Variants in PMEPA1 observed in about 807,000 individuals in gnomAD.
PMEPA1 encodes the protein protein TMEPAI.
PMEPA1 carries 11 observed loss-of-function variants against 23.0 expected under a neutral mutation model. The observed-to-expected ratio is 0.48, with a 90% CI of 0.30 to 0.79. The LOEUF is 0.79. Ranked by LOEUF, PMEPA1 falls within the 30% of genes least tolerant of loss-of-function variation. The pLI, the probability that PMEPA1 is intolerant of heterozygous loss-of-function variation, is 0.06. For missense variants in PMEPA1, 377 were observed against 390.9 expected (o/e 0.96, Z 0.30); for synonymous variants, 204 against 166.4 (o/e 1.23, Z -1.74).
intron 1 of PMEPA1, chr20:57,690,491 C>T: frequency 3.1e-6 from 4 of 1,302,724 alleles, no homozygotes; most frequent in Non-Finnish European, 4.0e-6. Context: ...TCACTTTTTA[C>T]AATCAGAAGA....
chr20:57,695,448 T>C (rs2071932250), intron 1 of PMEPA1, among the ~76,000 whole-genome samples: 1 of 152,236 alleles, frequency 6.6e-6, no homozygotes, highest in Admixed American at 6.5e-5. Context: ...ATTTCACCGC[T>C]AGAGAATCGG....
At chr20:57,691,643 T>C (rs1463297823) in intron 1 of PMEPA1, among the ~76,000 whole-genome samples, 1 of 151,920 alleles carries the variant, frequency 6.6e-6, no homozygotes, top group Non-Finnish European at 1.5e-5. Context: ...CTGTTGAGGG[T>C]TACACAGGTT....
chr20:57,675,455 C>G (rs2071623504), intron 1 of PMEPA1, among the ~76,000 whole-genome samples: 1 of 152,248 alleles, frequency 6.6e-6, no homozygotes, highest in Admixed American at 6.5e-5. Context: ...CCCACGTGCC[C>G]CCCAACCATG....
intron 1 of PMEPA1, among the ~76,000 whole-genome samples, chr20:57,687,085 C>A (rs2071810876): frequency 6.6e-6 from 1 of 152,274 alleles, no homozygotes. Flanking sequence ...AGCAAGCAGC[C>A]CACAAGCTCT....
chr20:57,692,904 A>G (rs2071901201), intron 1 of PMEPA1, among the ~76,000 whole-genome samples: 1 of 152,234 alleles, frequency 6.6e-6, no homozygotes, highest in Non-Finnish European at 1.5e-5. Flanking sequence ...TTCACAACTC[A>G]TGATAATCAA....
chr20:57,694,286 C>T (rs978484861), intron 1 of PMEPA1, among the ~76,000 whole-genome samples: 2 of 152,196 alleles, frequency 1.3e-5, no homozygotes, highest in Non-Finnish European at 2.9e-5. Context: ...TTGCCATACT[C>T]AAGTACCCCA....
At chr20:57,674,277 A>G (rs752250181) in intron 1 of PMEPA1, among the ~76,000 whole-genome samples, 1 of 152,222 alleles carries the variant, frequency 6.6e-6, no homozygotes, top group Non-Finnish European at 1.5e-5. Context: ...CCCTCCTTCC[A>G]TGTGCTGGCA....
chr20:57,659,360 C>T (rs2071374828), intron 2 of PMEPA1, among the ~76,000 whole-genome samples, 183 bp downstream of exon 2: 1 of 152,214 alleles, frequency 6.6e-6, no homozygotes, highest in South Asian at 2.1e-4. Context: ...CTGAGGCCCG[C>T]CTGGCGGGTG....
chr20:57,681,874 C>A (rs6099717), intron 1 of PMEPA1, among the ~76,000 whole-genome samples: 21 of 152,238 alleles, frequency 1.4e-4, no homozygotes, highest in Admixed American at 5.2e-4. Context: ...GGTACTCCCC[C>A]CAAGGTCTTC....
chr20:57,693,651 C>G (rs1050865945), intron 1 of PMEPA1, among the ~76,000 whole-genome samples: 1 of 152,182 alleles, frequency 6.6e-6, no homozygotes, highest in African/African-American at 2.4e-5. Flanking sequence ...AAGTCACAGA[C>G]CTATTCTGCA....
chr20:57,710,627 C>A (rs2072167217), upstream of PMEPA1: 3 of 654,868 alleles, frequency 4.6e-6, no homozygotes, highest in South Asian at 4.4e-5. Context: ...AAATAGCTGT[C>A]GGGGACTGGT....
chr20:57,697,941 T>C (rs939963735), intron 1 of PMEPA1, among the ~76,000 whole-genome samples: 2 of 152,226 alleles, frequency 1.3e-5, no homozygotes, highest in East Asian at 1.9e-4. Context: ...ATTGTCATTG[T>C]TAGAGAAATG....
intron 1 of PMEPA1, among the ~76,000 whole-genome samples, chr20:57,707,321 G>C (rs546584813): frequency 2.6e-5 from 4 of 152,236 alleles, no homozygotes; most frequent in Non-Finnish European, 4.4e-5. Flanking sequence ...CTAGTCTCTC[G>C]GGGAAATCTG....
At chr20:57,686,252 GA>G in intron 1 of PMEPA1, among the ~76,000 whole-genome samples, 1 of 152,324 alleles carries the variant, frequency 6.6e-6, no homozygotes, top group South Asian at 2.1e-4. Context: ...TCTAGAGAAA[GA>G]CCTGCTGCCT....
rs907665451 is a variant in PMEPA1, at chr20:57,649,625, A to T, written c.*2428T>A. The stretch of plus-strand genomic sequence containing the variant: ...CTGGCTTTGGGCTGACACCATGCAC[A>T]CACACAAGGTCCACTTCTAGGTTTT... On this transcript the variant is annotated 3_prime_UTR_variant, in exon 4 of 4. Transcript: ENST00000341744. 1.3e-5 allele frequency: 2 copies of T among 152,274 alleles called. No homozygotes were observed. Among genetic ancestry groups the T allele is most frequent in the African/African-American group, 4.8e-5 (2 of 41,444 alleles). The allele number at this position is 152,274 out of a possible 1,614,324, so 9.4% of individuals were successfully genotyped here. A position where few individuals can be genotyped will look rare whatever the true frequency, so the allele number is the denominator to read the frequency against.
chr20:57,691,220 G>C (rs73917714), intron 1 of PMEPA1, among the ~76,000 whole-genome samples: 2,406 of 152,310 alleles, frequency 0.016, 56 homozygotes, highest in African/African-American at 0.055. Context: ...GTGAAATATT[G>C]AGTAAAATTA....
Position 57,704,663 on chromosome 20 carries a change from G to A in PMEPA1, c.109+4811C>T, listed in dbSNP as rs1485055950. ...GAAGGCCACACCGATCCTCAGGTTT[G>A]GACCCTGCCACCAGCACCTTCCTCC... On this transcript the variant is annotated intron_variant, in intron 1 of 3. Transcript: ENST00000341744. This position sits in a 1 kb window ranked among gnomAD's most constrained non-coding sequence, Gnocchi z 4.6. Among the ~76,000 whole-genome samples the A allele has an allele frequency of 6.6e-6, 1 of 152,170 alleles. No individual in the cohort carries two copies. The highest frequency in any genetic ancestry group is 1.5e-5 in the Non-Finnish European group (1 of 68,022).
intron 1 of PMEPA1, among the ~76,000 whole-genome samples, chr20:57,684,557 G>A (rs1033011984): frequency 1.6e-4 from 25 of 152,314 alleles, no homozygotes; most frequent in African/African-American, 5.3e-4. Flanking sequence ...CCTCTGCACC[G>A]GTTCCTGTTG....
At chr20:57,664,809 G>A (rs1487665134) in intron 1 of PMEPA1, among the ~76,000 whole-genome samples, 1 of 152,220 alleles carries the variant, frequency 6.6e-6, no homozygotes, top group Non-Finnish European at 1.5e-5. Flanking sequence ...TTTTAAAAGG[G>A]CCAAGCAGGC....
Sources: allele counts gnomAD v4.1 joint callset (sites outside exome capture counted in the v4.1 genomes callset), GRCh38; gene constraint gnomAD v4.1.1; non-coding constraint Gnocchi (gnomAD v3.1); transcripts MANE v1.5; gene names NCBI Gene and HGNC (gene_info 2026-07-23, HGNC 2026-07-21).